MSN: variants seen among roughly 807,000 people sequenced by gnomAD.
The protein encoded by MSN is epididymis luminal protein 70.
Under a neutral mutation model 48.0 loss-of-function variants are expected in MSN, and 2 were observed. That is an observed-to-expected ratio of 0.04 (90% CI 0.02 to 0.13). The LOEUF (loss-of-function observed/expected upper bound fraction) is 0.13, where lower values mean the gene tolerates loss of function less well. Among genes scored for constraint, MSN ranks in the 10% least tolerant of loss-of-function variants. The probability of loss-of-function intolerance (pLI) is 1.00; values close to 1 mark genes in which losing one functional copy is unlikely to be tolerated. For synonymous variants in MSN, 146 were observed against 166.9 expected, an observed-to-expected ratio of 0.87 and a Z score of 0.97; for missense variants, 267 against 470.1, an observed-to-expected ratio of 0.57 and a Z score of 3.99.
chrX:65,657,153 C>T (rs1366528428), intron 1 of MSN, among the ~76,000 whole-genome samples: 1 of 111,418 alleles, frequency 9.0e-6, no homozygotes, highest in Admixed American at 9.5e-5. Flanking sequence ...AGACAGAGAG[C>T]AGAGCTTGGT....
chrX:65,712,285 T>A (rs963634723), intron 1 of MSN, among the ~76,000 whole-genome samples: 1 of 111,381 alleles, frequency 9.0e-6, no homozygotes, highest in Non-Finnish European at 1.9e-5. Context: ...ATTTCCTCCT[T>A]GGCTCCCTAG....
intron 1 of MSN, among the ~76,000 whole-genome samples, chrX:65,682,436 C>A (rs774286392): frequency 8.9e-6 from 1 of 111,905 alleles, no homozygotes; most frequent in South Asian, 3.7e-4. Context: ...TTTGCATACC[C>A]CCATTCCACC....
At chrX:65,658,560 A>G (rs1303702950) in intron 1 of MSN, among the ~76,000 whole-genome samples, 8 of 111,243 alleles carry the variant, frequency 7.2e-5, no homozygotes, top group Non-Finnish European at 1.3e-4. Context: ...GCTACCCTTC[A>G]GTGAATTGTT....
intron 1 of MSN, among the ~76,000 whole-genome samples, chrX:65,674,891 C>T (rs985406795): frequency 1.8e-5 from 2 of 111,978 alleles, no homozygotes; most frequent in Non-Finnish European, 3.8e-5. Flanking sequence ...CTGCGACCAA[C>T]TAGTTATATA....
At chrX:65,724,654 A>G (rs1241206444) in intron 2 of MSN, among the ~76,000 whole-genome samples, 2 of 106,592 alleles carry the variant, frequency 1.9e-5, no homozygotes, top group Non-Finnish European at 3.8e-5. Context: ...GTCTGAGTCC[A>G]TTTTATGTTT....
chrX:65,699,748 C>CAAA (rs34875923), intron 1 of MSN, among the ~76,000 whole-genome samples: 1 of 42,987 alleles, frequency 2.3e-5, no homozygotes, highest in African/African-American at 7.6e-5. Flanking sequence ...GAATCTGTTT[C>CAAA]AAAAAAAAAA....
intron 1 of MSN, among the ~76,000 whole-genome samples, chrX:65,658,791 A>T (rs2070800456): frequency 9.0e-6 from 1 of 110,682 alleles, no homozygotes; most frequent in Non-Finnish European, 1.9e-5. Flanking sequence ...TTGGACATAG[A>T]CTTTCATATA....
At chrX:65,670,736 GCAAAAAAA>G (rs1464129554) in intron 1 of MSN, among the ~76,000 whole-genome samples, 1 of 102,392 alleles carries the variant, frequency 9.8e-6, no homozygotes, top group African/African-American at 3.6e-5. Context: ...AACAAAAAAA[GCAAAAAAA>G]CAAAAAAACA....
At chrX:65,595,259 G>A (rs897595327) in intron 1 of MSN, among the ~76,000 whole-genome samples, 1 of 112,129 alleles carries the variant, frequency 8.9e-6, no homozygotes, top group African/African-American at 3.2e-5. Flanking sequence ...TCTCAGCCAT[G>A]GAACTAACTT....
chrX:65,712,682 G>A (rs182684797), intron 1 of MSN, among the ~76,000 whole-genome samples: 14 of 110,028 alleles, frequency 1.3e-4, no homozygotes, highest in Admixed American at 2.9e-4. Context: ...TTGAGCTCAC[G>A]GACTCTATGA....
intron 1 of MSN, among the ~76,000 whole-genome samples, chrX:65,618,810 C>A (rs1420402693): frequency 9.0e-6 from 1 of 111,238 alleles, no homozygotes; most frequent in Non-Finnish European, 1.9e-5. Context: ...TCTTGATGGT[C>A]TTTATATTTT....
At chrX:65,609,659 G>T (rs776109921) in intron 1 of MSN, among the ~76,000 whole-genome samples, 6 of 111,418 alleles carry the variant, frequency 5.4e-5, no homozygotes, top group Non-Finnish European at 1.1e-4. Flanking sequence ...CAAGGTGGGC[G>T]GATAATGAGG....
At chrX:65,706,409 T>C (rs959888043) in intron 1 of MSN, among the ~76,000 whole-genome samples, 1 of 111,676 alleles carries the variant, frequency 9.0e-6, no homozygotes, top group Middle Eastern at 4.2e-3. Context: ...GCCCCACTTA[T>C]ACTTGCCTTC....
chrX:65,668,704 G>A (rs950149481), intron 1 of MSN, among the ~76,000 whole-genome samples: 1 of 111,710 alleles, frequency 9.0e-6, no homozygotes, highest in Admixed American at 9.4e-5. Context: ...GGATAGGGGG[G>A]CCGGATGCCC....
intron 5 of MSN, 105 bp downstream of exon 5, chrX:65,731,295 A>C: frequency 1.5e-6 from 1 of 680,263 alleles, no homozygotes; most frequent in Non-Finnish European, 2.3e-6. Context: ...TGGATGTTGG[A>C]GAAAGAGGGA....
chrX:65,640,809 T>G (rs2070643545), intron 1 of MSN, among the ~76,000 whole-genome samples: 1 of 111,396 alleles, frequency 9.0e-6, no homozygotes, highest in African/African-American at 3.3e-5. Context: ...TATTAATAAT[T>G]TTATAATCTT....
chrX:65,627,571 C>G (rs2148363797), intron 1 of MSN, among the ~76,000 whole-genome samples: 1 of 111,123 alleles, frequency 9.0e-6, no homozygotes, highest in East Asian at 2.9e-4. Flanking sequence ...AATTACCTCC[C>G]CCTGGGTCCC....
chrX:65,697,759 T>C (rs2071260038), intron 1 of MSN, among the ~76,000 whole-genome samples: 1 of 112,736 alleles, frequency 8.9e-6, no homozygotes, highest in South Asian at 3.6e-4. Flanking sequence ...TGGCATGTCA[T>C]CTTCCAGTCT....
chrX:65,665,782 G>A (rs1056156930), upstream of MSN, among the ~76,000 whole-genome samples: 1 of 111,542 alleles, frequency 9.0e-6, no homozygotes, highest in African/African-American at 3.3e-5. Context: ...AGAGGGGGAG[G>A]GAATTACCCA....
Sources: allele counts gnomAD v4.1 joint callset (sites outside exome capture counted in the v4.1 genomes callset), GRCh38; gene constraint gnomAD v4.1.1; transcripts MANE v1.5; gene names NCBI Gene and HGNC (gene_info 2026-07-23, HGNC 2026-07-21).